ARHGAP36: variants seen among roughly 807,000 people sequenced by gnomAD.
ARHGAP36 encodes the protein Rho GTPase activating protein 36.
Under a neutral mutation model 32.9 loss-of-function variants are expected in ARHGAP36, and 7 were observed. That is an observed-to-expected ratio of 0.21 (90% CI 0.12 to 0.40). ARHGAP36 has a LOEUF of 0.40. Among genes scored for constraint, ARHGAP36 ranks in the 10% least tolerant of loss-of-function variants. The pLI is 1.00. For synonymous variants in ARHGAP36, 165 were observed against 168.3 expected (o/e 0.98, Z 0.15); for missense variants, 383 against 442.2 (o/e 0.87, Z 1.20).
intron 1 of ARHGAP36, among the ~76,000 whole-genome samples, chrX:131,066,401 G>A (rs2079699024): frequency 8.9e-6 from 1 of 111,900 alleles, no homozygotes; most frequent in African/African-American, 3.3e-5. Flanking sequence ...GCTAGAAAAT[G>A]TTCATTTTCA....
intron 1 of ARHGAP36, among the ~76,000 whole-genome samples, chrX:131,074,358 TGA>T (rs377299553): frequency 4.6e-4 from 19 of 41,687 alleles, no homozygotes; most frequent in Admixed American, 1.4e-3. Context: ...TGTGTGTGTG[TGA>T]GAGAGAGAGA....
rs140605592 is a variant in ARHGAP36 at position 131,072,059 on chromosome X, G to C, written c.-142-9465G>C. ...ATGATTGGTGGGCTGCAGTTTAGAA[G>C]AGAGTATTTTTGGAAGAGGTATTAA... On this transcript the variant is annotated intron_variant, in intron 1 of 11. Coordinates refer to ENST00000276211, the MANE Select transcript of ARHGAP36 (RefSeq NM_144967.4). Among the ~76,000 whole-genome samples the C allele has an allele frequency of 3.7e-4, 41 of 112,067 alleles. No individual in the cohort carries two copies. The East Asian group carries it at 0.01, about 28-fold the overall frequency.
At chrX:131,062,360 A>G (rs1389118396) in intron 1 of ARHGAP36, among the ~76,000 whole-genome samples, 1 of 111,955 alleles carries the variant, frequency 8.9e-6, no homozygotes, top group Non-Finnish European at 1.9e-5. Context: ...ACAAGGGTAA[A>G]TTTAGTACCT....
chrX:131,080,267 T>C (rs1303710352), intron 1 of ARHGAP36, among the ~76,000 whole-genome samples: 1 of 111,428 alleles, frequency 9.0e-6, no homozygotes, highest in African/African-American at 3.3e-5. Flanking sequence ...CTCCTCTGTC[T>C]CCAGGCAGAT....
intron 1 of ARHGAP36, among the ~76,000 whole-genome samples, chrX:131,076,895 C>T (rs1049162849): frequency 2.7e-5 from 3 of 111,901 alleles, no homozygotes; most frequent in Admixed American, 1.9e-4. Flanking sequence ...GAAGCCAGGG[C>T]TTTTCTCCAT....
At chrX:131,064,719 G>A (rs776748011) in intron 1 of ARHGAP36, among the ~76,000 whole-genome samples, 2 of 110,769 alleles carry the variant, frequency 1.8e-5, no homozygotes, top group Non-Finnish European at 3.8e-5. Flanking sequence ...GTCTCATTCC[G>A]AAGCCTGTGG....
chrX:131,070,135 T>C (rs779542209), intron 1 of ARHGAP36, among the ~76,000 whole-genome samples: 2 of 112,573 alleles, frequency 1.8e-5, no homozygotes, highest in East Asian at 2.8e-4. Context: ...AGTTATTCCA[T>C]TGGACAAAGA....
At chrX:131,083,533 G>T (rs938943137) in intron 3 of ARHGAP36, among the ~76,000 whole-genome samples, 2 of 112,006 alleles carry the variant, frequency 1.8e-5, no homozygotes, top group Non-Finnish European at 3.8e-5. Context: ...CCTCGTCGGG[G>T]TGGTTGAGTG....
chrX:131,071,166 CAGAGAGAG>C (rs112542239), intron 1 of ARHGAP36, among the ~76,000 whole-genome samples: 1 of 106,323 alleles, frequency 9.4e-6, no homozygotes, highest in Non-Finnish European at 1.9e-5. Flanking sequence ...AGAGAGAAGA[CAGAGAGAG>C]AGAGAGAGAG....
chrX:131,067,483 G>A (rs964233358), intron 1 of ARHGAP36, among the ~76,000 whole-genome samples: 1 of 112,953 alleles, frequency 8.9e-6, no homozygotes, highest in African/African-American at 3.2e-5. Flanking sequence ...GCGGGCAGGC[G>A]AACCCCCACG....
intron 7 of ARHGAP36, 59 bp from the exon 8 acceptor site, chrX:131,085,529 G>A: frequency 1.7e-6 from 2 of 1,150,069 alleles, no homozygotes; most frequent in Non-Finnish European, 2.3e-6. Context: ...CACCTCCCTT[G>A]GTATCAGTCT....
At chrX:131,082,479 G>A (rs1270453793) in intron 2 of ARHGAP36, among the ~76,000 whole-genome samples, 1 of 112,503 alleles carries the variant, frequency 8.9e-6, no homozygotes, top group Non-Finnish European at 1.9e-5. Flanking sequence ...GGCGCAGGAC[G>A]AGGTTCGAGT....
At chrX:131,069,528 A>G (rs2079721640) in intron 1 of ARHGAP36, among the ~76,000 whole-genome samples, 1 of 110,742 alleles carries the variant, frequency 9.0e-6, no homozygotes, top group South Asian at 3.9e-4. Flanking sequence ...TCTTTCCCCC[A>G]CCCTCTTCAA....
At chrX:131,083,097 T>G in intron 2 of ARHGAP36, 68 bp from the exon 3 acceptor site, 30 of 1,035,343 alleles carry the variant, frequency 2.9e-5, no homozygotes, top group Non-Finnish European at 3.7e-5. Flanking sequence ...GATCAGGGCA[T>G]TGGGATGTTT....
chrX:131,061,947 A>G (rs1053425633), intron 1 of ARHGAP36, among the ~76,000 whole-genome samples: 2 of 112,443 alleles, frequency 1.8e-5, no homozygotes, highest in African/African-American at 6.5e-5. Flanking sequence ...AGGCTTAAAT[A>G]TCAAATGATG....
rs1009248752 is a variant in ARHGAP36, at chrX:131,086,519, A to T, written c.1380-40A>T. 9 of 1,200,433 alleles carry T rather than the reference A, an allele frequency of 7.5e-6. No homozygotes were observed. In the African/African-American group the frequency reaches 1.6e-4, roughly 21 times the overall value. On this transcript the variant is annotated intron_variant, in intron 10 of 11. Transcript: ENST00000276211. ...AGACTATCTTTATATTAAGTAACGC[A>T]AGTACACAAACTGACTTTTTCAAAA... is the stretch of plus-strand genomic sequence containing the variant.
At chrX:131,070,330 A>G (rs1484583732) in intron 1 of ARHGAP36, among the ~76,000 whole-genome samples, 1 of 112,294 alleles carries the variant, frequency 8.9e-6, no homozygotes, top group East Asian at 2.8e-4. Flanking sequence ...TAAAGTGGCA[A>G]TGAATCAGTC....
intron 2 of ARHGAP36, among the ~76,000 whole-genome samples, chrX:131,082,402 G>A (rs1363098510): frequency 8.9e-6 from 1 of 112,715 alleles, no homozygotes; most frequent in East Asian, 2.8e-4. Flanking sequence ...GGGCGCGGGG[G>A]CGGCGGCAGG....
chrX:131,085,127 C>A, intron 7 of ARHGAP36, 63 bp downstream of exon 7: 1 of 1,119,608 alleles, frequency 8.9e-7, no homozygotes, highest in South Asian at 2.3e-5. Flanking sequence ...CTAGGGGGTT[C>A]TAGGGACAGA....
Sources: gnomAD v4.1 joint callset for allele counts (sites outside exome capture counted in the v4.1 genomes callset) on GRCh38, gnomAD v4.1.1 for gene constraint, MANE v1.5 for transcripts, NCBI Gene and HGNC (gene_info 2026-07-23, HGNC 2026-07-21) for gene names.